The following ADGRG6 variants were observed in gnomAD, a reference collection of about 807,000 sequenced individuals.
ADGRG6 encodes G-protein coupled receptor 126.
A neutral mutation model predicts 142.4 loss-of-function variants in ADGRG6; 84 were observed. That is an observed-to-expected ratio of 0.59 (90% CI 0.49 to 0.71). The LOEUF is 0.71. Ranked by LOEUF, ADGRG6 falls within the 30% of genes least tolerant of loss-of-function variation. The pLI is 0.00. For synonymous variants in ADGRG6, 521 were observed against 520.5 expected (o/e 1.00, Z -0.01); for missense variants, 1,367 against 1,466.6 (o/e 0.93, Z 1.11).
At chr6:142,309,919 TGATGA>T (rs1469466644) in intron 2 of ADGRG6, among the ~76,000 whole-genome samples, 1 of 151,836 alleles carries the variant, frequency 6.6e-6, no homozygotes, top group Non-Finnish European at 1.5e-5. Flanking sequence ...CCATATTGAG[TGATGA>T]GATAACTACA....
chr6:142,415,213 A>G, intron 19 of ADGRG6, 117 bp downstream of exon 19: 1 of 547,242 alleles, frequency 1.8e-6, no homozygotes, highest in Non-Finnish European at 2.9e-6. Context: ...GTTAATGTTC[A>G]TGTTTCTGAT....
intron 2 of ADGRG6, among the ~76,000 whole-genome samples, chr6:142,347,968 C>T (rs1449187074): frequency 6.6e-6 from 1 of 152,098 alleles, no homozygotes; most frequent in Non-Finnish European, 1.5e-5. Context: ...AAAATCTAAA[C>T]ATAAAGGTTT....
At chr6:142,372,128 A>G (rs924253355) in intron 4 of ADGRG6, among the ~76,000 whole-genome samples, 1 of 152,192 alleles carries the variant, frequency 6.6e-6, no homozygotes, top group Non-Finnish European at 1.5e-5. Flanking sequence ...TGTGATAAAA[A>G]TTGTATTAAA....
chr6:142,352,167 A>G (rs886899525), intron 2 of ADGRG6, among the ~76,000 whole-genome samples: 4 of 152,242 alleles, frequency 2.6e-5, no homozygotes. Context: ...CTGCACATGT[A>G]TGTTCATTGC....
At chr6:142,405,093 G>A (rs1775729003) in intron 14 of ADGRG6, among the ~76,000 whole-genome samples, 2 of 152,170 alleles carry the variant, frequency 1.3e-5, no homozygotes, top group African/African-American at 4.8e-5. Context: ...TCAGGATACA[G>A]GCAAGACCTT....
At chr6:142,404,834 G>A (rs892358111) in intron 14 of ADGRG6, among the ~76,000 whole-genome samples, 1 of 152,062 alleles carries the variant, frequency 6.6e-6, no homozygotes, top group African/African-American at 2.4e-5. Flanking sequence ...TAGAAGTCTG[G>A]GATAGCAGGT....
chr6:142,357,986 G>A (rs144073471), intron 2 of ADGRG6, among the ~76,000 whole-genome samples: 4 of 152,314 alleles, frequency 2.6e-5, no homozygotes, highest in African/African-American at 9.6e-5. Context: ...TGTGAGTCAT[G>A]TATGGTCCCA....
intron 24 of ADGRG6, among the ~76,000 whole-genome samples, chr6:142,440,321 C>T (rs73582562): frequency 0.016 from 2,388 of 152,154 alleles, 50 homozygotes; most frequent in African/African-American, 0.051. Flanking sequence ...CACAGGGTCT[C>T]GCTCTGTTTA....
At chr6:142,349,904 G>A (rs1017660318) in intron 2 of ADGRG6, among the ~76,000 whole-genome samples, 2 of 152,192 alleles carry the variant, frequency 1.3e-5, no homozygotes, top group African/African-American at 4.8e-5. Flanking sequence ...TAAACTCTGT[G>A]GTTCCTCAAA....
At chr6:142,325,428 A>G (rs1364582894) in intron 2 of ADGRG6, among the ~76,000 whole-genome samples, 2 of 152,130 alleles carry the variant, frequency 1.3e-5, no homozygotes, top group East Asian at 3.9e-4. Context: ...TGGATTTAGG[A>G]TTAATTTTGT....
At chr6:142,311,621 T>C (rs1051327336) in intron 2 of ADGRG6, among the ~76,000 whole-genome samples, 4 of 152,120 alleles carry the variant, frequency 2.6e-5, no homozygotes, top group Middle Eastern at 3.4e-3. Context: ...TGAAGACTAG[T>C]GCTTAACTGA....
rs748002231 is a variant in ADGRG6 at position 142,367,727 on chromosome 6, A to G, written c.262A>G (p.Ile88Val). The change falls in exon 3 of 25, where the codon ATT becomes GTT. Residue 88 changes from isoleucine to valine, a missense_variant. Around this residue, in one of 3 missense-constraint regions of ADGRG6, gnomAD observed 737 missense variants for 746.5 expected, o/e 0.99. Coordinates refer to ENST00000367609, the MANE Select transcript of ADGRG6 (RefSeq NM_198569.3). Reference protein sequence around the residue: ...IIQITFNDFDIEEAPNCIYDS... With the variant: ...IIQITFNDFDVEEAPNCIYDS... ...TCAGATAACATTTAACGACTTTGAC[A>G]TTGAAGAAGCTCCCAATTGCATTTA... 1.2e-6 allele frequency: 2 copies of G among 1,613,940 alleles called. No individual in the cohort carries two copies. The highest frequency in any genetic ancestry group is 1.7e-6 in the Non-Finnish European group (2 of 1,179,870).
rs1052591895 is a variant in ADGRG6 at position 142,444,714 on chromosome 6, A to C, written c.*1199A>C. ...CTGCTGCATACAAACCTTGCATACT[A>C]TTATGCAGCTTACCTAACTCTCAGA... is the stretch of plus-strand genomic sequence containing the variant. On this transcript the variant is annotated 3_prime_UTR_variant, in exon 25 of 25. Transcript: ENST00000367609. 1 of 152,202 alleles carries C rather than the reference A, an allele frequency of 6.6e-6. No homozygotes were observed. Among genetic ancestry groups the C allele is most frequent in the Admixed American group, 6.6e-5 (1 of 15,262 alleles). 9.4% of individuals were successfully genotyped at this position (152,202 alleles called of 1,614,324 possible).
At chr6:142,437,567 C>T (rs1582694727) in intron 23 of ADGRG6, 32 bp downstream of exon 23, 3 of 975,238 alleles carry the variant, frequency 3.1e-6, no homozygotes, top group Non-Finnish European at 5.0e-6. Context: ...TTTACATCTA[C>T]AAGTAGATGG....
intron 21 of ADGRG6, among the ~76,000 whole-genome samples, chr6:142,418,199 G>A (rs1039840027): frequency 6.6e-6 from 1 of 151,124 alleles, no homozygotes; most frequent in Non-Finnish European, 1.5e-5. Flanking sequence ...TCGGGAGGCT[G>A]AGGCAGGAGA....
intron 2 of ADGRG6, among the ~76,000 whole-genome samples, chr6:142,310,673 A>T (rs1197516865): frequency 6.6e-6 from 1 of 151,874 alleles, no homozygotes; most frequent in Non-Finnish European, 1.5e-5. Context: ...TAAGAGTTTC[A>T]GTTATTTACT....
chr6:142,386,576 C>T (rs1361591454), intron 6 of ADGRG6, among the ~76,000 whole-genome samples: 3 of 152,132 alleles, frequency 2.0e-5, no homozygotes, highest in Admixed American at 6.5e-5. Flanking sequence ...GGAGCACCTC[C>T]TGCCACCAAG....
chr6:142,340,546 A>G (rs554435867), intron 2 of ADGRG6, among the ~76,000 whole-genome samples: 23 of 152,258 alleles, frequency 1.5e-4, no homozygotes, highest in Admixed American at 1.5e-3. Context: ...TACATTGTGC[A>G]AATCCATGTA....
intron 9 of ADGRG6, 121 bp from the exon 10 acceptor site, chr6:142,397,492 T>C (rs1056732110): frequency 1.3e-6 from 1 of 765,328 alleles, no homozygotes; most frequent in African/African-American, 1.8e-5. Flanking sequence ...GCACCTTGGC[T>C]AATCTCTTCA....
Sources: allele counts gnomAD v4.1 joint callset (sites outside exome capture counted in the v4.1 genomes callset), GRCh38; gene constraint gnomAD v4.1.1; regional missense constraint gnomAD v4.1.1; transcripts MANE v1.5; gene names NCBI Gene and HGNC (gene_info 2026-07-23, HGNC 2026-07-21).